Variants in SPRY3 observed in about 807,000 individuals in gnomAD.
SPRY3 encodes the protein sprouty RTK signaling antagonist 3, also known as protein sprouty homolog 3.
SPRY3 carries 15 observed loss-of-function variants against 20.2 expected under a neutral mutation model. The observed-to-expected ratio is 0.74, with a 90% CI of 0.50 to 1.14. SPRY3 has a LOEUF of 1.14. SPRY3 is among the 50% of genes most tolerant of loss of function. The pLI is 0.00. For synonymous variants in SPRY3, 143 were observed against 136.5 expected, an observed-to-expected ratio of 1.05 and a Z score of -0.33; for missense variants, 364 against 363.9, an observed-to-expected ratio of 1.00 and a Z score of 0.00.
Position 155,726,112 on chromosome X carries a change from C to T in SPRY3, c.-281-41850C>T, listed in dbSNP as rs1287702730. 3.3e-5 allele frequency among the ~76,000 whole-genome samples: 5 copies of T among 152,162 alleles called. No individual in the cohort carries two copies. The East Asian group carries it at 9.6e-4, about 29-fold the overall frequency. ...ATTCAGGAGCTGGTTGTTCAGTTTCCATGTTGTTGTGCAGTTTTGAGTGAG... is the reference window on the plus strand; with the variant it reads ...ATTCAGGAGCTGGTTGTTCAGTTTCTATGTTGTTGTGCAGTTTTGAGTGAG... On this transcript the variant is annotated intron_variant, in intron 2 of 3. Coordinates refer to ENST00000675360, the Ensembl canonical transcript of SPRY3.
intron 2 of SPRY3, among the ~76,000 whole-genome samples, chrX:155,762,050 T>A (rs1462021528): frequency 6.6e-6 from 1 of 152,158 alleles, no homozygotes; most frequent in African/African-American, 2.4e-5. Flanking sequence ...GTACCAAATA[T>A]TCCTACTTGA....
chrX:155,626,745 A>G (rs781937292), intron 1 of SPRY3, among the ~76,000 whole-genome samples: 1 of 111,704 alleles, frequency 9.0e-6, no homozygotes, highest in East Asian at 2.8e-4. Flanking sequence ...GTAAGGGTTC[A>G]ACTTCATTCT....
chrX:155,751,818 A>AT (rs1367766626), intron 2 of SPRY3, among the ~76,000 whole-genome samples: 3 of 151,616 alleles, frequency 2.0e-5, no homozygotes, highest in Non-Finnish European at 2.9e-5. Context: ...AGGATGCAAT[A>AT]TAAAAAAAGG....
downstream of SPRY3, chrX:155,779,695 A>G (rs2091452136): frequency 6.0e-6 from 1 of 167,054 alleles, no homozygotes; most frequent in Non-Finnish European, 1.5e-5. Flanking sequence ...AAAATGGCTA[A>G]ACAAGGTATT....
At chrX:155,736,255 C>T (rs776724146) in intron 2 of SPRY3, among the ~76,000 whole-genome samples, 2 of 151,950 alleles carry the variant, frequency 1.3e-5, no homozygotes, top group South Asian at 2.1e-4. Flanking sequence ...ATTTTACCTT[C>T]ATTTATGTAT....
At chrX:155,776,028 C>T (rs1275034825) in exon 4 of SPRY3, 2 of 167,054 alleles carry the variant, frequency 1.2e-5, no homozygotes, top group Non-Finnish European at 2.9e-5. Context: ...GGAATATAGG[C>T]CTTCTGACTC....
intron 2 of SPRY3, among the ~76,000 whole-genome samples, chrX:155,760,185 A>C (rs923334510): frequency 6.6e-6 from 1 of 152,188 alleles, no homozygotes; most frequent in African/African-American, 2.4e-5. Flanking sequence ...TTGAGTGCCT[A>C]TATTACTTAT....
intron 2 of SPRY3, among the ~76,000 whole-genome samples, chrX:155,708,970 A>T (rs2090969455): frequency 1.3e-5 from 2 of 151,622 alleles, no homozygotes; most frequent in Middle Eastern, 3.4e-3. Flanking sequence ...AATGACTGCC[A>T]GTTCCATCCA....
chrX:155,745,440 G>C (rs2091221173), intron 2 of SPRY3, among the ~76,000 whole-genome samples: 1 of 152,072 alleles, frequency 6.6e-6, no homozygotes, highest in Non-Finnish European at 1.5e-5. Flanking sequence ...GCTGAAAGCA[G>C]CTAGCAAGAA....
At chrX:155,733,467 T>TA (rs925255232) in intron 2 of SPRY3, among the ~76,000 whole-genome samples, 6 of 151,162 alleles carry the variant, frequency 4.0e-5, no homozygotes, top group East Asian at 3.9e-4. Context: ...AATTAAAAAT[T>TA]AAAAAAAACA....
intron 2 of SPRY3, among the ~76,000 whole-genome samples, chrX:155,755,136 C>T (rs147842072): frequency 2.4e-3 from 338 of 140,926 alleles, no homozygotes; most frequent in African/African-American, 0.011. Context: ...AAAAGTCTAA[C>T]TGGAGAGTAA....
At chrX:155,768,902 A>G (rs2091364334) in intron 3 of SPRY3, among the ~76,000 whole-genome samples, 1 of 152,238 alleles carries the variant, frequency 6.6e-6, no homozygotes, top group Non-Finnish European at 1.5e-5. Context: ...GATGAACAGA[A>G]AACAGACCTT....
At chrX:155,778,843 CTT>C (rs2091446087), downstream of SPRY3, 1 of 166,974 alleles carries the variant, frequency 6.0e-6, no homozygotes, top group Non-Finnish European at 1.5e-5. Context: ...GGAATTATGA[CTT>C]TATACCAGAG....
At chrX:155,742,079 G>A (rs2091206560) in intron 2 of SPRY3, among the ~76,000 whole-genome samples, 1 of 152,120 alleles carries the variant, frequency 6.6e-6, no homozygotes, top group Admixed American at 6.5e-5. Context: ...AGACCCATCA[G>A]TATGCTATCT....
At position 155,690,836 on chromosome X, in the gene SPRY3, G is replaced by A. The variant is rs2068100350; in HGVS notation, c.-282+33811G>A. Among the ~76,000 whole-genome samples the A allele has an allele frequency of 2.3e-5, 2 of 86,387 alleles. 1 individual carries two copies. The allele number at this position is 86,387 out of a possible 115,157, so 75.0% of individuals were successfully genotyped here. On this transcript the variant is annotated intron_variant, in intron 2 of 3. Transcript: ENST00000675360. ...ACCTGAACTCAGCACTGAATCAATTGGACCTGAAAAAGTTCTTTTTCTATT... is the reference window on the plus strand; with the variant it reads ...ACCTGAACTCAGCACTGAATCAATTAGACCTGAAAAAGTTCTTTTTCTATT...
intron 3 of SPRY3, 104 bp from the exon 3 acceptor site, chrX:155,773,662 T>A (rs149022172): frequency 5.0e-6 from 3 of 602,492 alleles, no homozygotes. Flanking sequence ...TACTGTAAAG[T>A]AATTGAAGGT....
At chrX:155,674,078 A>C (rs2068052335) in intron 2 of SPRY3, among the ~76,000 whole-genome samples, 1 of 111,736 alleles carries the variant, frequency 8.9e-6, no homozygotes, top group African/African-American at 3.2e-5. Context: ...ACTGAAAGGA[A>C]CCCAGAGTTA....
rs1465755388 is a variant in SPRY3 at position 155,624,253 on chromosome X, C to G, written c.-441+11606C>G. 2.7e-5 allele frequency among the ~76,000 whole-genome samples: 3 copies of G among 111,519 alleles called. No homozygotes were observed. In the Admixed American group the frequency reaches 2.9e-4, roughly 11 times the overall value. On this transcript the variant is annotated intron_variant, in intron 1 of 3. Transcript: ENST00000675360. ...ATTCAATTAATGCGCCTCTTCTCTCCAGGGATTCATCTGGCATTTATTTAC... is the reference window on the plus strand; with the variant it reads ...ATTCAATTAATGCGCCTCTTCTCTCGAGGGATTCATCTGGCATTTATTTAC...
At chrX:155,637,647 A>G (rs2067928001) in intron 1 of SPRY3, among the ~76,000 whole-genome samples, 1 of 111,702 alleles carries the variant, frequency 9.0e-6, no homozygotes, top group Non-Finnish European at 1.9e-5. Flanking sequence ...AGAAGTCTGC[A>G]TTTCACATTT....
Sources: allele counts gnomAD v4.1 joint callset (sites outside exome capture counted in the v4.1 genomes callset), GRCh38; gene constraint gnomAD v4.1.1; transcripts MANE v1.5; gene names NCBI Gene and HGNC (gene_info 2026-07-23, HGNC 2026-07-21).